Variants in GLDC observed in about 807,000 individuals in gnomAD.
GLDC encodes the protein glycine decarboxylase.
GLDC carries 104 observed loss-of-function variants against 121.3 expected under a neutral mutation model. That is an observed-to-expected ratio of 0.86 (90% CI 0.73 to 1.01). The LOEUF is 1.01. Among genes scored for constraint, GLDC ranks in the 50% least tolerant of loss-of-function variants. GLDC has a pLI of 0.00. For synonymous variants in GLDC, 546 were observed against 480.6 expected (o/e 1.14, Z -1.78); for missense variants, 1,429 against 1,306.6 (o/e 1.09, Z -1.44).
intron 22 of GLDC, among the ~76,000 whole-genome samples, chr9:6,539,323 T>C (rs1186226096): frequency 6.6e-6 from 1 of 151,604 alleles, no homozygotes; most frequent in Admixed American, 6.6e-5. Context: ...ACTAAAAATA[T>C]AAAAAAATAG....
chr9:6,577,712 C>T (rs1015829697), intron 15 of GLDC, among the ~76,000 whole-genome samples: 10 of 152,058 alleles, frequency 6.6e-5, no homozygotes, highest in Non-Finnish European at 1.2e-4. Flanking sequence ...CACACACACA[C>T]GCAGTTTTAC....
chr9:6,562,986 C>G (rs996691811), intron 16 of GLDC, among the ~76,000 whole-genome samples: 3 of 152,208 alleles, frequency 2.0e-5, no homozygotes, highest in Non-Finnish European at 1.5e-5. Flanking sequence ...AAGCACAGCA[C>G]CCAGCCCCTC....
chr9:6,618,772 A>C (rs1301725090), intron 3 of GLDC, among the ~76,000 whole-genome samples: 1 of 152,142 alleles, frequency 6.6e-6, no homozygotes, highest in Non-Finnish European at 1.5e-5. Flanking sequence ...ACAGACACAC[A>C]CACACACCAC....
intron 17 of GLDC, chr9:6,557,886 A>G (rs1817670569): frequency 6.4e-6 from 1 of 155,216 alleles, no homozygotes; most frequent in Non-Finnish European, 1.4e-5. Context: ...TTTGTGGAGC[A>G]ATGGAAGGGT....
chr9:6,638,713 T>C (rs1819563089), intron 2 of GLDC, among the ~76,000 whole-genome samples: 1 of 152,110 alleles, frequency 6.6e-6, no homozygotes, highest in South Asian at 2.1e-4. Flanking sequence ...ACTATGTTTA[T>C]TCAAATGTAT....
chr9:6,581,061 G>A (rs1040190625), intron 15 of GLDC, among the ~76,000 whole-genome samples: 14 of 152,158 alleles, frequency 9.2e-5, no homozygotes, highest in Admixed American at 1.3e-4. Flanking sequence ...TGCCAGGCAC[G>A]TTCTTGGTTG....
intron 19 of GLDC, 135 bp downstream of exon 19, chr9:6,554,534 C>T: frequency 4.1e-6 from 3 of 733,608 alleles, no homozygotes; most frequent in South Asian, 1.5e-5. Flanking sequence ...GCTCCTCCCC[C>T]AGCCCCTACA....
intron 2 of GLDC, among the ~76,000 whole-genome samples, chr9:6,631,254 CCT>C (rs1819371589): frequency 1.3e-5 from 2 of 152,206 alleles, no homozygotes; most frequent in Non-Finnish European, 2.9e-5. Flanking sequence ...CCTCAGGACA[CCT>C]CCACTCAAAA....
intron 15 of GLDC, among the ~76,000 whole-genome samples, chr9:6,570,945 T>C (rs1043055087): frequency 1.3e-5 from 2 of 152,074 alleles, no homozygotes; most frequent in Non-Finnish European, 1.5e-5. Context: ...GAAAAATATT[T>C]ATTTTATGAG....
intron 22 of GLDC, among the ~76,000 whole-genome samples, chr9:6,538,591 C>T (rs147048836): frequency 2.0e-5 from 3 of 152,288 alleles, no homozygotes; most frequent in East Asian, 3.9e-4. Flanking sequence ...GGCACCTGGA[C>T]AATTCTGGGC....
At chr9:6,613,417 G>C (rs948599246) in intron 3 of GLDC, among the ~76,000 whole-genome samples, 1 of 152,114 alleles carries the variant, frequency 6.6e-6, no homozygotes, top group Non-Finnish European at 1.5e-5. Context: ...ACTTGCACCA[G>C]GAGTTCGAGA....
intron 3 of GLDC, among the ~76,000 whole-genome samples, chr9:6,611,471 G>A (rs1016701792): frequency 6.6e-5 from 10 of 151,764 alleles, no homozygotes; most frequent in African/African-American, 2.4e-4. Flanking sequence ...CAGGAGAATC[G>A]CTTGAACCCG....
intron 2 of GLDC, among the ~76,000 whole-genome samples, chr9:6,636,952 T>C (rs986760407): frequency 2.0e-5 from 3 of 150,532 alleles, no homozygotes; most frequent in African/African-American, 7.4e-5. Context: ...GCTGTGGTGG[T>C]GGGTGCCTGT....
At chr9:6,570,282 G>C (rs1817933833) in intron 15 of GLDC, among the ~76,000 whole-genome samples, 1 of 152,158 alleles carries the variant, frequency 6.6e-6, no homozygotes, top group African/African-American at 2.4e-5. Flanking sequence ...TTAAAAATGT[G>C]CCATAAGAAA....
At chr9:6,575,899 G>T (rs756752381) in intron 15 of GLDC, among the ~76,000 whole-genome samples, 21 of 152,164 alleles carry the variant, frequency 1.4e-4, no homozygotes, top group Non-Finnish European at 2.6e-4. Flanking sequence ...TGGGCTCAGT[G>T]GGAAATGAAA....
chr9:6,548,270 G>C (rs7863638), intron 21 of GLDC, among the ~76,000 whole-genome samples: 5 of 152,096 alleles, frequency 3.3e-5, no homozygotes, highest in African/African-American at 1.2e-4. Context: ...CAAAATGTCC[G>C]TGTTGAGCAT....
chr9:6,561,967 G>A (rs939414295), intron 16 of GLDC, among the ~76,000 whole-genome samples: 1 of 152,164 alleles, frequency 6.6e-6, no homozygotes, highest in African/African-American at 2.4e-5. Context: ...TACAGGTTTT[G>A]AGCTTTCTTT....
chr9:6,539,438 C>T (rs1229033806), intron 22 of GLDC, among the ~76,000 whole-genome samples: 1 of 152,156 alleles, frequency 6.6e-6, no homozygotes, highest in Non-Finnish European at 1.5e-5. Flanking sequence ...GAGATCACAT[C>T]ACTGCACTCC....
rs760983899 is a variant in GLDC, at chr9:6,558,606, C to T, written c.2005G>A (p.Glu669Lys). Residue 669 changes from glutamate (E) to lysine (K), a missense_variant, in exon 17 of 25, where the codon GAG becomes AAG. Coordinates refer to ENST00000321612, the MANE Select transcript of GLDC (RefSeq NM_000170.3). ...HMAGMKIQPV[E>K]VDKYGNIDAV... ...TCGATATTCCCATATTTATCCACCTCCACAGGCTGAATCTTCATGCCTGCC... is the reference window on the plus strand; with the variant it reads ...TCGATATTCCCATATTTATCCACCTTCACAGGCTGAATCTTCATGCCTGCC... 63 of 1,614,080 alleles carry T rather than the reference C, an allele frequency of 3.9e-5. No homozygotes were observed. The highest frequency in any genetic ancestry group is 5.2e-5 in the Non-Finnish European group (61 of 1,180,026).
Sources: gnomAD v4.1 joint callset for allele counts (sites outside exome capture counted in the v4.1 genomes callset) on GRCh38, gnomAD v4.1.1 for gene constraint, MANE v1.5 for transcripts, NCBI Gene and HGNC (gene_info 2026-07-23, HGNC 2026-07-21) for gene names.